The following PPP1R16B variants were observed in gnomAD, a reference collection of about 807,000 sequenced individuals.
PPP1R16B encodes the protein protein phosphatase 1 regulatory inhibitor subunit 16B.
Under a neutral mutation model 61.7 loss-of-function variants are expected in PPP1R16B, and 14 were observed. The ratio of observed to expected loss-of-function variants is 0.23; its 90% CI spans 0.15 to 0.35. The LOEUF (loss-of-function observed/expected upper bound fraction) is 0.35, where lower values mean the gene tolerates loss of function less well. Ranked by LOEUF, PPP1R16B falls within the 10% of genes least tolerant of loss-of-function variation. PPP1R16B has a pLI of 1.00. For synonymous variants in PPP1R16B, 266 were observed against 305.3 expected (o/e 0.87, Z 1.34); for missense variants, 547 against 752.5 (o/e 0.73, Z 3.19).
At chr20:38,867,676 C>CT (rs912334343) in intron 2 of PPP1R16B, among the ~76,000 whole-genome samples, 1 of 151,790 alleles carries the variant, frequency 6.6e-6, no homozygotes, top group African/African-American at 2.4e-5. Flanking sequence ...TTCTTTGATT[C>CT]TTTTTTTTCC....
chr20:38,835,723 A>G, intron 1 of PPP1R16B, 102 bp from the exon 2 acceptor site: 1 of 609,694 alleles, frequency 1.6e-6, no homozygotes. Flanking sequence ...CAATGGAAGG[A>G]AAACCTCAAA....
chr20:38,914,160 G>A (rs919239269), intron 10 of PPP1R16B, among the ~76,000 whole-genome samples: 2 of 151,112 alleles, frequency 1.3e-5, no homozygotes, highest in Admixed American at 1.3e-4. Context: ...TCCAGCCTGG[G>A]CAACAGAGTG....
At chr20:38,898,591 C>T (rs1219043884) in intron 4 of PPP1R16B, among the ~76,000 whole-genome samples, 1 of 152,142 alleles carries the variant, frequency 6.6e-6, no homozygotes, top group Admixed American at 6.5e-5. Flanking sequence ...GGGTGGACCA[C>T]TTGAGGTCAG....
chr20:38,808,093 C>G (rs1326967151), intron 1 of PPP1R16B, among the ~76,000 whole-genome samples: 1 of 152,194 alleles, frequency 6.6e-6, no homozygotes, highest in African/African-American at 2.4e-5. Flanking sequence ...AAGCCAGAAC[C>G]TTTCTCCTTT....
intron 2 of PPP1R16B, among the ~76,000 whole-genome samples, chr20:38,859,116 C>T (rs1433146994): frequency 1.3e-5 from 2 of 152,198 alleles, no homozygotes; most frequent in African/African-American, 2.4e-5. Flanking sequence ...CAAGACCCCA[C>T]CTTCTGATGG....
chr20:38,914,414 GTA>G (rs958047856), intron 10 of PPP1R16B, among the ~76,000 whole-genome samples: 25 of 152,254 alleles, frequency 1.6e-4, no homozygotes, highest in African/African-American at 5.3e-4. Context: ...CTGTTGTCCA[GTA>G]TCTCAGTTCA....
chr20:38,901,283 C>T (rs1306806633), intron 5 of PPP1R16B, among the ~76,000 whole-genome samples: 1 of 152,212 alleles, frequency 6.6e-6, no homozygotes, highest in East Asian at 1.9e-4. Context: ...CTTGTGTACC[C>T]CACAGAGCCT....
intron 1 of PPP1R16B, among the ~76,000 whole-genome samples, chr20:38,822,632 G>T (rs145091218): frequency 2.0e-5 from 3 of 151,272 alleles, no homozygotes; most frequent in African/African-American, 7.3e-5. Flanking sequence ...TGTTCATTTA[G>T]GGATCCTTAG....
At chr20:38,841,619 T>C (rs780020561) in intron 2 of PPP1R16B, among the ~76,000 whole-genome samples, 8 of 152,222 alleles carry the variant, frequency 5.3e-5, no homozygotes, top group Non-Finnish European at 1.2e-4. Flanking sequence ...GCAACTATAA[T>C]CTACTTTCTG....
intron 10 of PPP1R16B, among the ~76,000 whole-genome samples, chr20:38,912,609 A>G (rs556244575): frequency 2.0e-5 from 3 of 152,020 alleles, no homozygotes; most frequent in Non-Finnish European, 4.4e-5. Context: ...GAGGAATTCA[A>G]TGCTGCAGTG....
At chr20:38,861,480 C>T (rs76409466) in intron 2 of PPP1R16B, among the ~76,000 whole-genome samples, 2,864 of 152,180 alleles carry the variant, frequency 0.019, 103 homozygotes, top group African/African-American at 0.066. Context: ...CTAGGCTCTG[C>T]CTCAGGGTCA....
rs1388303175 is a variant in PPP1R16B at position 38,908,327 on chromosome 20, C to A, written c.1194+134C>A. 2.7e-6 allele frequency: 3 copies of A among 1,120,886 alleles called. No individual in the cohort carries two copies. The East Asian group carries it at 7.7e-5, about 29-fold the overall frequency. 69.4% of individuals were successfully genotyped at this position (1,120,886 alleles called of 1,614,324 possible). On this transcript the variant is annotated intron_variant, in intron 10 of 10. Transcript: ENST00000299824. ...GGCACTGCCCTTAAACTAGCATATCCAGTCTGATGATGATGGCTACTGTAG... is the reference window on the plus strand; with the variant it reads ...GGCACTGCCCTTAAACTAGCATATCAAGTCTGATGATGATGGCTACTGTAG...
At chr20:38,908,267 C>G in intron 10 of PPP1R16B, 74 bp downstream of exon 10, 2 of 1,562,624 alleles carry the variant, frequency 1.3e-6, no homozygotes, top group South Asian at 2.3e-5. Context: ...CTGGCCTTGC[C>G]TCTTCAACTG....
intron 4 of PPP1R16B, among the ~76,000 whole-genome samples, chr20:38,898,067 C>T (rs143884857): frequency 6.6e-6 from 1 of 152,304 alleles, no homozygotes; most frequent in Admixed American, 6.5e-5. Flanking sequence ...GCCAAATCCA[C>T]TATCATGGAG....
intron 1 of PPP1R16B, among the ~76,000 whole-genome samples, chr20:38,829,149 T>C (rs889127167): frequency 2.0e-5 from 3 of 152,308 alleles, no homozygotes; most frequent in Middle Eastern, 3.4e-3. Context: ...CAAGAGGGGC[T>C]GAGTTAAGGC....
chr20:38,858,676 G>T (rs1021736292), intron 2 of PPP1R16B, among the ~76,000 whole-genome samples: 2 of 152,216 alleles, frequency 1.3e-5, no homozygotes, highest in African/African-American at 4.8e-5. Context: ...GGAGAGGGCA[G>T]TGGGCTTGTT....
chr20:38,847,420 A>C (rs2084942339), intron 2 of PPP1R16B, among the ~76,000 whole-genome samples: 1 of 152,076 alleles, frequency 6.6e-6, no homozygotes, highest in Non-Finnish European at 1.5e-5. Flanking sequence ...GCAGTGGCAC[A>C]ATCTTGGCTC....
chr20:38,865,437 C>T (rs2085083899), intron 2 of PPP1R16B, among the ~76,000 whole-genome samples: 1 of 152,052 alleles, frequency 6.6e-6, no homozygotes, highest in Admixed American at 6.6e-5. Context: ...CTACAGGTGC[C>T]CGCCACCACG....
intron 2 of PPP1R16B, among the ~76,000 whole-genome samples, chr20:38,868,952 T>A (rs1271031121): frequency 6.6e-6 from 1 of 152,182 alleles, no homozygotes; most frequent in Non-Finnish European, 1.5e-5. Flanking sequence ...AACAAAACAT[T>A]TCAAATCACA....
Sources: gnomAD v4.1 joint callset for allele counts (sites outside exome capture counted in the v4.1 genomes callset) on GRCh38, gnomAD v4.1.1 for gene constraint, MANE v1.5 for transcripts, NCBI Gene and HGNC (gene_info 2026-07-23, HGNC 2026-07-21) for gene names.